Variants in MEGF11 observed in about 807,000 individuals in gnomAD.
MEGF11 encodes multiple epidermal growth factor-like domains protein 11.
In MEGF11, 126 loss-of-function variants were observed where a neutral mutation model predicts 146.6. The observed-to-expected ratio is 0.86, with a 90% CI of 0.74 to 1.00. The LOEUF is 1.00. MEGF11 is among the 50% of genes least tolerant of loss of function. The pLI is 0.00. For synonymous variants in MEGF11, 532 were observed against 583.4 expected (o/e 0.91, Z 1.27); for missense variants, 1,509 against 1,521.2 (o/e 0.99, Z 0.13).
intron 1 of MEGF11, among the ~76,000 whole-genome samples, chr15:66,159,259 G>A (rs191770951): frequency 5.3e-4 from 81 of 152,272 alleles, no homozygotes; most frequent in Non-Finnish European, 1.0e-3. Context: ...ATGCCCAGAG[G>A]GCCTTGTCTT....
chr15:66,052,108 A>G lies in MEGF11; in HGVS notation c.394+42294T>C, dbSNP rs113471933. Among the ~76,000 whole-genome samples the G allele has an allele frequency of 6.8e-3, 1,031 of 152,324 alleles. 8 individuals are homozygous for G. The highest frequency in any genetic ancestry group is 0.01 in the Middle Eastern group (3 of 294). The stretch of plus-strand genomic sequence containing the variant: ...TTTATGTGGGTAGGGGTGAGCATCC[A>G]TCATCCCCACTTTCCCATTAACGCT... On this transcript the variant is annotated intron_variant, in intron 5 of 25. Coordinates refer to ENST00000395614, the MANE Select transcript of MEGF11 (RefSeq NM_001385028.1).
chr15:66,161,199 C>T (rs1030272028), intron 1 of MEGF11, among the ~76,000 whole-genome samples: 2 of 152,104 alleles, frequency 1.3e-5, no homozygotes, highest in Non-Finnish European at 2.9e-5. Context: ...TCTTGACAGG[C>T]CGGAGCAATG....
chr15:66,111,906 C>G (rs2087435257), intron 4 of MEGF11, among the ~76,000 whole-genome samples: 1 of 152,114 alleles, frequency 6.6e-6, no homozygotes, highest in East Asian at 1.9e-4. Flanking sequence ...AGAAAAAACA[C>G]CCCAAGCCTT....
chr15:66,067,128 G>A (rs1272421859), intron 5 of MEGF11, among the ~76,000 whole-genome samples: 1 of 152,200 alleles, frequency 6.6e-6, no homozygotes, highest in Non-Finnish European at 1.5e-5. Context: ...AACGGTGTCT[G>A]GTGCATCACA....
intron 2 of MEGF11, among the ~76,000 whole-genome samples, chr15:66,125,965 G>A (rs1355614843): frequency 6.6e-6 from 1 of 152,182 alleles, no homozygotes; most frequent in Non-Finnish European, 1.5e-5. Context: ...TGGCAACCAG[G>A]CCTCGTACCA....
chr15:66,234,829 A>G (rs2092054594), intron 1 of MEGF11, among the ~76,000 whole-genome samples: 1 of 152,160 alleles, frequency 6.6e-6, no homozygotes. Context: ...TGTTCATAAA[A>G]CGCTGAGAAA....
chr15:65,951,335 C>A (rs1362965958), intron 10 of MEGF11, among the ~76,000 whole-genome samples: 1 of 152,172 alleles, frequency 6.6e-6, no homozygotes, highest in Admixed American at 6.5e-5. Flanking sequence ...AGTAGTGCCC[C>A]CTTATCCTTG....
intron 18 of MEGF11, 21 bp from the exon 19 acceptor site, chr15:65,915,619 G>C (rs1226436254): frequency 6.2e-7 from 1 of 1,612,334 alleles, no homozygotes; most frequent in East Asian, 2.2e-5. Flanking sequence ...CAAAGAGTTA[G>C]GGTAGAGGAC....
intron 4 of MEGF11, among the ~76,000 whole-genome samples, chr15:66,110,499 T>C (rs2087338434): frequency 6.6e-6 from 1 of 152,202 alleles, no homozygotes; most frequent in Non-Finnish European, 1.5e-5. Context: ...TGCCTCCCTA[T>C]TTAAACTGTG....
chr15:66,008,405 GCGCGCGCACA>G (rs1311743241), intron 5 of MEGF11, among the ~76,000 whole-genome samples: 3,471 of 18,056 alleles, frequency 0.19, 54 homozygotes, highest in Middle Eastern at 0.31. Flanking sequence ...ATGCACACGC[GCGCGCGCACA>G]CACACACACA....
intron 4 of MEGF11, among the ~76,000 whole-genome samples, chr15:66,118,096 A>G (rs928597137): frequency 2.0e-5 from 3 of 152,188 alleles, no homozygotes; most frequent in African/African-American, 4.8e-5. Flanking sequence ...TCTCCAAATG[A>G]AGAGGCAGAA....
chr15:66,140,594 C>T (rs2089097702), intron 1 of MEGF11, among the ~76,000 whole-genome samples: 1 of 152,182 alleles, frequency 6.6e-6, no homozygotes, highest in Admixed American at 6.5e-5. Flanking sequence ...CCACAAATTT[C>T]TAAATTTGCC....
intron 14 of MEGF11, 28 bp from the exon 15 acceptor site, chr15:65,922,500 G>C (rs1481669910): frequency 6.5e-7 from 1 of 1,532,948 alleles, no homozygotes; most frequent in African/African-American, 1.4e-5. Flanking sequence ...ATGGTGGTCA[G>C]CAGCCCAAGA....
At position 65,964,987 on chromosome 15, in the gene MEGF11, G is replaced by C. The variant is rs2081008214; in HGVS notation, c.1033C>G (p.Gln345Glu). ...CEPGYKGPRC[Q>E]ERLCPEGLHG... ...AGGCCCTCCGGGCACAGTCGCTCCTGGCAGCGTGGGCCCTTGTAGCCAGGC... is the reference window on the plus strand; with the variant it reads ...AGGCCCTCCGGGCACAGTCGCTCCTCGCAGCGTGGGCCCTTGTAGCCAGGC... The change falls in exon 9 of 26, where the codon CAG becomes GAG. Residue 345 changes from glutamine (Q) to glutamate (E), a missense_variant. Gln to Glu is a conservative substitution (Grantham distance 29, BLOSUM62 2). Transcript: ENST00000395614. The C allele has an allele frequency of 6.4e-7, 1 of 1,568,010 alleles. No individual in the cohort carries two copies. The highest frequency in any genetic ancestry group is 8.6e-7 in the Non-Finnish European group (1 of 1,156,808).
At chr15:65,959,647 T>C (rs775423631) in intron 9 of MEGF11, among the ~76,000 whole-genome samples, 4 of 152,200 alleles carry the variant, frequency 2.6e-5, no homozygotes, top group Non-Finnish European at 4.4e-5. Flanking sequence ...GGAGAAAGAT[T>C]TATGCACAGA....
At chr15:66,077,587 C>T (rs1174760801) in intron 5 of MEGF11, among the ~76,000 whole-genome samples, 1 of 152,230 alleles carries the variant, frequency 6.6e-6, no homozygotes, top group Non-Finnish European at 1.5e-5. Flanking sequence ...CTACCAGATT[C>T]CATGTAACAC....
chr15:66,204,979 ATTTT>A (rs34157473), intron 1 of MEGF11, among the ~76,000 whole-genome samples: 10 of 125,150 alleles, frequency 8.0e-5, no homozygotes, highest in Admixed American at 2.4e-4. Context: ...CTTGGGTTGA[ATTTT>A]TTTTTTTTTT....
In MEGF11 at chr15:66,235,399, G is replaced by A. The variant is rs189431927; in HGVS notation, c.-9+18206C>T. Among the ~76,000 whole-genome samples the A allele has an allele frequency of 3.8e-3, 572 of 152,124 alleles. 3 individuals are homozygous for A. The highest frequency in any genetic ancestry group is 7.1e-3 in the Admixed American group (108 of 15,280). Reference sequence around the variant, plus strand: ...CACCTTTATTCCCGGCTACTTGGGAGGCTGAGATGAGGGGACTGCTTGAGC... The same window carrying A: ...CACCTTTATTCCCGGCTACTTGGGAAGCTGAGATGAGGGGACTGCTTGAGC... On this transcript the variant is annotated intron_variant, in intron 1 of 25. Coordinates refer to ENST00000395614, the MANE Select transcript of MEGF11 (RefSeq NM_001385028.1).
At chr15:66,037,031 C>T (rs978077247) in intron 5 of MEGF11, among the ~76,000 whole-genome samples, 26 of 152,250 alleles carry the variant, frequency 1.7e-4, no homozygotes, top group African/African-American at 4.1e-4. Flanking sequence ...CAATAACCTA[C>T]GCTGTCTCTT....
Sources: allele counts gnomAD v4.1 joint callset (sites outside exome capture counted in the v4.1 genomes callset), GRCh38; gene constraint gnomAD v4.1.1; transcripts MANE v1.5; gene names NCBI Gene and HGNC (gene_info 2026-07-23, HGNC 2026-07-21).